RNF220: variants seen among roughly 807,000 people sequenced by gnomAD.
RNF220 encodes the protein ring finger protein 220.
Under a neutral mutation model 67.1 loss-of-function variants are expected in RNF220, and 7 were observed. The observed-to-expected ratio is 0.10, with a 90% CI of 0.06 to 0.20. The LOEUF (loss-of-function observed/expected upper bound fraction) is 0.20, where lower values mean the gene tolerates loss of function less well. Ranked by LOEUF, RNF220 falls within the 10% of genes least tolerant of loss-of-function variation. RNF220 has a pLI of 1.00. For synonymous variants in RNF220, 270 were observed against 283.2 expected (o/e 0.95, Z 0.47); for missense variants, 565 against 740.3 (o/e 0.76, Z 2.75).
intron 2 of RNF220, among the ~76,000 whole-genome samples, chr1:44,430,104 A>G (rs943061146): frequency 2.6e-5 from 4 of 151,748 alleles, no homozygotes; most frequent in African/African-American, 9.7e-5. Context: ...AGAAAAAAAG[A>G]TACATTCATG....
chr1:44,635,463 G>A, intron 6 of RNF220, 82 bp from the exon 7 acceptor site: 1 of 1,565,222 alleles, frequency 6.4e-7, no homozygotes, highest in Non-Finnish European at 8.7e-7. Flanking sequence ...AAGAGGTCAG[G>A]ATGTGTCAGC....
At chr1:44,549,439 T>A (rs1247331675) in intron 2 of RNF220, among the ~76,000 whole-genome samples, 1 of 152,162 alleles carries the variant, frequency 6.6e-6, no homozygotes, top group Non-Finnish European at 1.5e-5. Flanking sequence ...TCAAAAAGGG[T>A]GAATTCCAAG....
chr1:44,646,001 T>C (rs989812375), intron 12 of RNF220, among the ~76,000 whole-genome samples: 1 of 152,228 alleles, frequency 6.6e-6, no homozygotes, highest in Non-Finnish European at 1.5e-5. Context: ...ACCCCTGGCC[T>C]GGATCCCTGG....
intron 5 of RNF220, 167 bp downstream of exon 5, chr1:44,626,565 C>T (rs976740676): frequency 4.4e-5 from 27 of 610,316 alleles, no homozygotes; most frequent in South Asian, 4.3e-4. Context: ...AGGAGGCATA[C>T]GTGTCAGGGA....
chr1:44,510,181 G>A (rs1658866287), intron 2 of RNF220, among the ~76,000 whole-genome samples: 1 of 150,574 alleles, frequency 6.6e-6, no homozygotes, highest in African/African-American at 2.4e-5. Context: ...CAAGGCAGCA[G>A]TGAATAGAGA....
At chr1:44,637,093 C>T (rs531023535) in intron 8 of RNF220, among the ~76,000 whole-genome samples, 18 of 152,268 alleles carry the variant, frequency 1.2e-4, no homozygotes, top group Non-Finnish European at 2.5e-4. Context: ...TTTGGGAATA[C>T]TGCTGTGTAT....
intron 6 of RNF220, chr1:44,632,856 A>G (rs368819595): frequency 5.9e-6 from 1 of 168,462 alleles, no homozygotes; most frequent in Non-Finnish European, 1.3e-5. Context: ...AACTCATCCC[A>G]GGGCTCTTTG....
intron 2 of RNF220, among the ~76,000 whole-genome samples, chr1:44,487,974 AT>A (rs113894560): frequency 0.82 from 119,860 of 145,906 alleles, 51,050 homozygotes; most frequent in East Asian, 0.99. Flanking sequence ...TGGCACTGCG[AT>A]TTTTTTTTTT....
intron 2 of RNF220, among the ~76,000 whole-genome samples, chr1:44,422,216 A>G (rs1415662612): frequency 6.6e-6 from 1 of 152,238 alleles, no homozygotes; most frequent in Non-Finnish European, 1.5e-5. Context: ...GAATTCTAGA[A>G]AAGGAGCGGA....
chr1:44,534,536 T>G (rs967970986), intron 2 of RNF220, among the ~76,000 whole-genome samples: 1 of 152,184 alleles, frequency 6.6e-6, no homozygotes, highest in African/African-American at 2.4e-5. Context: ...CAAATATCAC[T>G]TCTTCACTGC....
rs1159246333 is a variant in RNF220, at chr1:44,610,206, G to A, written c.626-3959G>A. Among the ~76,000 whole-genome samples the A allele has an allele frequency of 2.0e-5, 3 of 152,222 alleles. No individual in the cohort carries two copies. In the East Asian group the frequency reaches 5.8e-4, roughly 29 times the overall value. On this transcript the variant is annotated intron_variant, in intron 2 of 14. Transcript: ENST00000361799. ...CACGCACTCACACACTCAATCAGGC[G>A]CTGTCAGACCTCTGGCCGCCTGGCA...
At chr1:44,426,897 A>G (rs971434966) in intron 2 of RNF220, among the ~76,000 whole-genome samples, 2 of 152,154 alleles carry the variant, frequency 1.3e-5, no homozygotes, top group Admixed American at 6.5e-5. Flanking sequence ...CCTCCCATTT[A>G]GTCCCAGAGA....
chr1:44,535,135 CTTTTT>C (rs903715852), intron 2 of RNF220, among the ~76,000 whole-genome samples: 2 of 103,008 alleles, frequency 1.9e-5, no homozygotes, highest in Admixed American at 1.0e-4. Flanking sequence ...GCAGCTTCTT[CTTTTT>C]TTTTTTTTTT....
At chr1:44,532,097 T>C (rs185996214) in intron 2 of RNF220, among the ~76,000 whole-genome samples, 16 of 152,286 alleles carry the variant, frequency 1.1e-4, no homozygotes, top group Admixed American at 3.3e-4. Context: ...CATAATGATG[T>C]TTTACATATG....
chr1:44,509,569 T>G (rs113209342), intron 2 of RNF220, among the ~76,000 whole-genome samples: 1,403 of 131,490 alleles, frequency 0.011, 26 homozygotes, highest in African/African-American at 0.037. Context: ...AAAAAAGAAA[T>G]AAATAAATAA....
rs934040633 is a variant in RNF220 at position 44,589,428 on chromosome 1, C to A, written c.626-24737C>A. On this transcript the variant is annotated intron_variant, in intron 2 of 14. Transcript: ENST00000361799. Reference sequence around the variant, plus strand: ...AGGAGATCGAGACCATCCTGGCTAACATGGTGAAACCCCGTCTCTACTAAA... The same window carrying A: ...AGGAGATCGAGACCATCCTGGCTAAAATGGTGAAACCCCGTCTCTACTAAA... 3.3e-5 allele frequency among the ~76,000 whole-genome samples: 5 copies of A among 152,192 alleles called. 1 individual carries two copies. The East Asian group carries it at 9.7e-4, about 29-fold the overall frequency.
intron 2 of RNF220, among the ~76,000 whole-genome samples, chr1:44,534,213 C>T (rs995553994): frequency 1.3e-5 from 2 of 152,058 alleles, no homozygotes; most frequent in African/African-American, 4.8e-5. Flanking sequence ...CTCCTGCGCT[C>T]AAGCAATCCT....
intron 2 of RNF220, among the ~76,000 whole-genome samples, chr1:44,531,666 G>A (rs1660842960): frequency 6.6e-6 from 1 of 152,178 alleles, no homozygotes. Flanking sequence ...GAGAACAGGA[G>A]AAAGACAGCC....
At chr1:44,494,112 A>G (rs1399896683) in intron 2 of RNF220, among the ~76,000 whole-genome samples, 1 of 151,258 alleles carries the variant, frequency 6.6e-6, no homozygotes, top group Non-Finnish European at 1.5e-5. Context: ...AGGCTGAGGC[A>G]GGAGAATCGC....
Sources: gnomAD v4.1 joint callset for allele counts (sites outside exome capture counted in the v4.1 genomes callset) on GRCh38, gnomAD v4.1.1 for gene constraint, MANE v1.5 for transcripts, NCBI Gene and HGNC (gene_info 2026-07-23, HGNC 2026-07-21) for gene names.